KIAA0825: variants seen among roughly 807,000 people sequenced by gnomAD.
KIAA0825 encodes KIAA0825, also known as uncharacterized protein KIAA0825.
In KIAA0825, 119 loss-of-function variants were observed where a neutral mutation model predicts 147.6. The observed-to-expected ratio is 0.81, with a 90% CI of 0.69 to 0.94. KIAA0825 has a LOEUF of 0.94. KIAA0825 is among the 40% of genes least tolerant of loss of function. The pLI is 0.00. For missense variants in KIAA0825, 1,381 were observed against 1,472.7 expected (o/e 0.94, Z 1.02); for synonymous variants, 470 against 518.1 (o/e 0.91, Z 1.26).
At position 94,409,674 on chromosome 5, in the gene KIAA0825, G is replaced by T. The variant is rs1172470099; in HGVS notation, c.2663-5881C>A. ...TGAACAGTTATCAGAGTTCATACAA[G>T]ATTGGCAAAGTCTAAGTTCAGACCA... On this transcript the variant is annotated intron_variant, in intron 15 of 20. Transcript: ENST00000682413. Among the ~76,000 whole-genome samples, 32 of 152,126 alleles carry T rather than the reference G, an allele frequency of 2.1e-4. 1 individual carries two copies. The highest frequency in any genetic ancestry group is 2.1e-3 in the Admixed American group (32 of 15,280).
chr5:94,287,782 T>A (rs1777722222), intron 20 of KIAA0825, among the ~76,000 whole-genome samples: 1 of 152,160 alleles, frequency 6.6e-6, no homozygotes, highest in Non-Finnish European at 1.5e-5. Context: ...GTAACCATCA[T>A]GAAATGATGA....
intron 20 of KIAA0825, among the ~76,000 whole-genome samples, chr5:94,166,723 G>C (rs1371041733): frequency 2.0e-5 from 3 of 151,760 alleles, no homozygotes; most frequent in African/African-American, 7.3e-5. Context: ...GGCCAGGCTG[G>C]TCTTGAACTC....
At chr5:94,315,292 G>A (rs368333173) in intron 20 of KIAA0825, among the ~76,000 whole-genome samples, 4 of 151,664 alleles carry the variant, frequency 2.6e-5, no homozygotes, top group African/African-American at 9.7e-5. Flanking sequence ...AATTAAAATG[G>A]ATGGTAGGCT....
chr5:94,474,077 A>G (rs573741838), intron 7 of KIAA0825, among the ~76,000 whole-genome samples: 1 of 152,330 alleles, frequency 6.6e-6, no homozygotes, highest in Non-Finnish European at 1.5e-5. Context: ...TTACTTGCTT[A>G]GAATTTTAGT....
chr5:94,540,729 A>T (rs1773125323), intron 2 of KIAA0825, among the ~76,000 whole-genome samples: 1 of 152,254 alleles, frequency 6.6e-6, no homozygotes, highest in Non-Finnish European at 1.5e-5. Context: ...ATTGGTAAAT[A>T]AAAATATCTT....
At chr5:94,215,709 T>C (rs1014627808) in intron 20 of KIAA0825, among the ~76,000 whole-genome samples, 3 of 152,146 alleles carry the variant, frequency 2.0e-5, no homozygotes, top group African/African-American at 2.4e-5. Flanking sequence ...TGAATGGTTC[T>C]TCTTTCCTGA....
At chr5:94,321,583 T>C (rs1323659072) in intron 20 of KIAA0825, among the ~76,000 whole-genome samples, 1 of 151,968 alleles carries the variant, frequency 6.6e-6, no homozygotes, top group Non-Finnish European at 1.5e-5. Context: ...AATTATATCA[T>C]TTGCAGCTTG....
intron 20 of KIAA0825, among the ~76,000 whole-genome samples, chr5:94,318,162 TATAGA>T (rs1194150220): frequency 2.0e-5 from 3 of 151,740 alleles, no homozygotes; most frequent in Non-Finnish European, 2.9e-5. Context: ...TTAAAAGCAA[TATAGA>T]ATAGTTTATT....
intron 14 of KIAA0825, among the ~76,000 whole-genome samples, chr5:94,419,983 C>T (rs142177187): frequency 1.3e-3 from 201 of 152,162 alleles, no homozygotes; most frequent in African/African-American, 4.7e-3. Flanking sequence ...TAAATTTTTT[C>T]AGGGAACACA....
chr5:94,452,233 A>G (rs763684504), intron 13 of KIAA0825, among the ~76,000 whole-genome samples: 3 of 152,174 alleles, frequency 2.0e-5, no homozygotes, highest in South Asian at 2.1e-4. Context: ...ACTTCTGTAT[A>G]TGAGGTTTTC....
chr5:94,453,207 C>T, intron 12 of KIAA0825, 138 bp from the exon 13 acceptor site: 1 of 583,010 alleles, frequency 1.7e-6, no homozygotes, highest in Non-Finnish European at 3.0e-6. Flanking sequence ...GAGTCTTGCT[C>T]TGTCGCCCAG....
chr5:94,367,856 G>A (rs376334058), intron 20 of KIAA0825, among the ~76,000 whole-genome samples: 4 of 152,156 alleles, frequency 2.6e-5, no homozygotes, highest in African/African-American at 4.8e-5. Context: ...AAGTATCTGC[G>A]TATTCATGGC....
chr5:94,545,057 G>A (rs1774076567), intron 2 of KIAA0825, among the ~76,000 whole-genome samples: 1 of 152,076 alleles, frequency 6.6e-6, no homozygotes, highest in Non-Finnish European at 1.5e-5. Context: ...ACAGTGACTG[G>A]GGTGGGGGTT....
chr5:94,476,180 T>G (rs1042325385), intron 7 of KIAA0825, among the ~76,000 whole-genome samples: 2 of 152,158 alleles, frequency 1.3e-5, no homozygotes, highest in Non-Finnish European at 2.9e-5. Flanking sequence ...CTTTAAATAT[T>G]TACCTAGTGT....
At chr5:94,584,146 A>C (rs914485761) in intron 1 of KIAA0825, among the ~76,000 whole-genome samples, 1 of 152,168 alleles carries the variant, frequency 6.6e-6, no homozygotes, top group African/African-American at 2.4e-5. Flanking sequence ...AAAGGAACAC[A>C]ACTCTTCACC....
intron 5 of KIAA0825, among the ~76,000 whole-genome samples, chr5:94,503,065 C>CAAAAAA (rs34563969): frequency 4.9e-5 from 7 of 142,286 alleles, no homozygotes; most frequent in African/African-American, 1.8e-4. Flanking sequence ...GACTCCATCT[C>CAAAAAA]AAAAAAAAAT....
At chr5:94,600,121 G>C (rs1257099817) in intron 1 of KIAA0825, among the ~76,000 whole-genome samples, 1 of 152,142 alleles carries the variant, frequency 6.6e-6, no homozygotes, top group Non-Finnish European at 1.5e-5. Flanking sequence ...TGAGATATCA[G>C]CTGGGTTTTT....
chr5:94,391,628 C>T lies in KIAA0825; in HGVS notation c.3363G>A (p.Glu1121=). 1 of 1,551,570 alleles carries T rather than the reference C, an allele frequency of 6.4e-7. No homozygotes were observed. The highest frequency in any genetic ancestry group is 2.4e-5 in the East Asian group (1 of 40,916). The change falls in exon 18 of 21, where the codon GAG becomes GAA. Residue 1121 remains glutamate (E), a synonymous_variant. Coordinates refer to ENST00000682413, the MANE Select transcript of KIAA0825 (RefSeq NM_001145678.3). ...QEGDVALELT[E]QKINTMVLDL... is the part of the protein sequence containing the mutation. ...CCAGGACCATCGTGTTTATTTTCTG[C>T]TCAGTCAGTTCAAGAGCAACATCTC...
chr5:94,411,915 C>A (rs1220033398), intron 15 of KIAA0825, among the ~76,000 whole-genome samples: 1 of 151,680 alleles, frequency 6.6e-6, no homozygotes, highest in Non-Finnish European at 1.5e-5. Flanking sequence ...CGACTGCACA[C>A]CAGCCTGGGC....
Sources: allele counts gnomAD v4.1 joint callset (sites outside exome capture counted in the v4.1 genomes callset), GRCh38; gene constraint gnomAD v4.1.1; transcripts MANE v1.5; gene names NCBI Gene and HGNC (gene_info 2026-07-23, HGNC 2026-07-21).